The following CSDE1 variants were observed in gnomAD, a reference collection of about 807,000 sequenced individuals.
The protein encoded by CSDE1 is cold shock domain-containing protein E1.
Under a neutral mutation model 89.3 loss-of-function variants are expected in CSDE1, and 17 were observed. That is an observed-to-expected ratio of 0.19 (90% CI 0.13 to 0.29). The LOEUF (loss-of-function observed/expected upper bound fraction) is 0.29. CSDE1 is among the 10% of genes least tolerant of loss of function. CSDE1 has a pLI of 1.00. For synonymous variants in CSDE1, 322 were observed against 332.8 expected (o/e 0.97, Z 0.35); for missense variants, 672 against 984.2 (o/e 0.68, Z 4.24).
chr1:114,719,811 G>A, intron 17 of CSDE1, 69 bp from the exon 18 acceptor site: 1 of 1,424,070 alleles, frequency 7.0e-7, no homozygotes, highest in Non-Finnish European at 9.6e-7. Flanking sequence ...CACAATGCCT[G>A]CCCCTATCTA....
At chr1:114,755,897 G>C (rs551243683) in intron 1 of CSDE1, among the ~76,000 whole-genome samples, 2 of 152,300 alleles carry the variant, frequency 1.3e-5, no homozygotes, top group South Asian at 2.1e-4. Flanking sequence ...TCTCACAACA[G>C]TTTCAATAGA....
In CSDE1 at chr1:114,718,039, C is replaced by G; in HGVS notation, c.*130G>C. 1.2e-6 allele frequency: 1 copy of G among 841,856 alleles called. No homozygotes were observed. The highest frequency in any genetic ancestry group is 1.6e-5 in the South Asian group (1 of 64,192). 52.1% of individuals were successfully genotyped at this position (841,856 alleles called of 1,614,324 possible). A position where few individuals can be genotyped will look rare whatever the true frequency, so the allele number is the denominator to read the frequency against. Reference sequence around the variant, plus strand: ...ACATAACACGAGGAAGGTGTTAAAACTGGTGTAATAGCTCAATAGAATAAG... The same window carrying G: ...ACATAACACGAGGAAGGTGTTAAAAGTGGTGTAATAGCTCAATAGAATAAG... On this transcript the variant is annotated 3_prime_UTR_variant, in exon 20 of 20. Coordinates refer to ENST00000358528, the MANE Select transcript of CSDE1 (RefSeq NM_001007553.3).
intron 1 of CSDE1, among the ~76,000 whole-genome samples, chr1:114,754,554 G>C (rs1192535541): frequency 6.6e-6 from 1 of 152,124 alleles, no homozygotes; most frequent in Admixed American, 6.6e-5. Flanking sequence ...TCTTCTTTTA[G>C]GCAGGAAAAA....
In CSDE1 at chr1:114,726,199, G is replaced by A; in HGVS notation, c.1640+12C>T. 1 of 1,585,684 alleles carries A rather than the reference G, an allele frequency of 6.3e-7. No homozygotes were observed. The highest frequency in any genetic ancestry group is 1.2e-5 in the South Asian group (1 of 85,082). ...TAAGTTAGCTGTAAAGTTCCTGAAA[G>A]TCACGCCTTACCTGTAATGGAAAAA... On this transcript the variant is annotated intron_variant, in intron 14 of 19. Transcript: ENST00000358528.
At chr1:114,736,359 T>G (rs1660400934) in intron 6 of CSDE1, among the ~76,000 whole-genome samples, 1 of 152,192 alleles carries the variant, frequency 6.6e-6, no homozygotes, top group Non-Finnish European at 1.5e-5. Context: ...AGAAGAATGC[T>G]CAAACTTTAC....
intron 16 of CSDE1, among the ~76,000 whole-genome samples, chr1:114,721,075 G>A (rs867385527): frequency 2.6e-4 from 40 of 152,138 alleles, no homozygotes; most frequent in African/African-American, 9.4e-4. Flanking sequence ...TTCACAATAT[G>A]AGCCAACCAA....
intron 6 of CSDE1, 73 bp from the exon 7 acceptor site, chr1:114,734,596 G>T: frequency 8.5e-7 from 1 of 1,175,482 alleles, no homozygotes; most frequent in Non-Finnish European, 1.2e-6. Flanking sequence ...TTAGATATGA[G>T]TCTAAAGAAA....
chr1:114,718,266 A>G (rs749461339), intron 19 of CSDE1, 50 bp from the exon 20 acceptor site: 1 of 1,560,478 alleles, frequency 6.4e-7, no homozygotes, highest in South Asian at 1.1e-5. Context: ...TTGAGCGCAC[A>G]ACAATCATAG....
chr1:114,745,827 T>TTA (rs1660981505), intron 2 of CSDE1, among the ~76,000 whole-genome samples: 2 of 152,178 alleles, frequency 1.3e-5, no homozygotes, highest in South Asian at 4.1e-4. Flanking sequence ...CTCAAGAAAT[T>TTA]GATTAAAGTT....
intron 1 of CSDE1, among the ~76,000 whole-genome samples, chr1:114,751,852 T>C (rs894339115): frequency 2.1e-4 from 32 of 152,348 alleles, no homozygotes; most frequent in Middle Eastern, 3.4e-3. Flanking sequence ...GCTATATCTT[T>C]TGTATTCATC....
chr1:114,736,941 A>G (rs1017681410), intron 5 of CSDE1, 86 bp from the exon 6 acceptor site: 1 of 1,062,992 alleles, frequency 9.4e-7, no homozygotes, highest in East Asian at 2.5e-5. Context: ...AACCTCTTAT[A>G]CTGGCATTTT....
chr1:114,750,115 G>C lies in CSDE1; in HGVS notation c.-295C>G, dbSNP rs1661225922. The C allele has an allele frequency of 6.6e-6, 1 of 152,534 alleles. No individual in the cohort carries two copies. The highest frequency in any genetic ancestry group is 1.5e-5 in the Non-Finnish European group (1 of 68,030). The allele number at this position is 152,534 out of a possible 1,614,324, so 9.4% of individuals were successfully genotyped here. A position where few individuals can be genotyped will look rare whatever the true frequency, so the allele number is the denominator to read the frequency against. On this transcript the variant is annotated 5_prime_UTR_variant, in exon 2 of 20. Coordinates refer to ENST00000358528, the MANE Select transcript of CSDE1 (RefSeq NM_001007553.3). ...CTTCAACTTAAGTGTACTCTTCTTT[G>C]GTCTTGTTAGTTGTTACGAGGTTTG...
At chr1:114,752,892 A>C (rs1244009827) in intron 1 of CSDE1, among the ~76,000 whole-genome samples, 1 of 152,166 alleles carries the variant, frequency 6.6e-6, no homozygotes, top group Non-Finnish European at 1.5e-5. Flanking sequence ...CTGAGAGGTA[A>C]ACTCAAATTT....
intron 16 of CSDE1, among the ~76,000 whole-genome samples, chr1:114,721,368 G>A (rs6668128): frequency 0.2 from 30,852 of 152,112 alleles, 3,578 homozygotes; most frequent in Non-Finnish European, 0.25. Flanking sequence ...GTGATCACAA[G>A]AAAAGGCCAC....
intron 12 of CSDE1, among the ~76,000 whole-genome samples, chr1:114,728,959 C>T (rs1032697545): frequency 6.6e-6 from 1 of 152,162 alleles, no homozygotes; most frequent in Non-Finnish European, 1.5e-5. Context: ...CTTAACTATC[C>T]AAGTAATTTC....
In CSDE1 at chr1:114,726,241, T is replaced by C. The variant is rs768709264; in HGVS notation, c.1610A>G (p.Asn537Ser). ...KDNFGFIETA[N>S]HDKEIFFHYS... ...ATGGAAAAAGATTTCCTTATCATGA[T>C]TGGCTGTTTCAATAAATCCAAAATT... Residue 537 changes from asparagine (N) to serine (S), a missense_variant, in exon 14 of 20, where the codon AAT (asparagine) becomes AGT (serine). Around this residue, in one of 8 missense-constraint regions of CSDE1, gnomAD observed 206 missense variants for 332.4 expected, o/e 0.62. Coordinates refer to ENST00000358528, the MANE Select transcript of CSDE1 (RefSeq NM_001007553.3). 6.2e-6 allele frequency: 10 copies of C among 1,611,410 alleles called. No individual in the cohort carries two copies. Among genetic ancestry groups the C allele is most frequent in the South Asian group, 3.3e-5 (3 of 90,240 alleles).
chr1:114,725,264 T>C lies in CSDE1; in HGVS notation c.1710A>G (p.Lys570=). The part of the protein sequence containing the change: ...DMVEYSLSKG[K]GNKVSAEKVN... ...CTTTTTCTGCACTGACTTTGTTGCC[T>C]TTGCCTTTGGACAAGCTATACTCGA... Residue 570 remains lysine (K), a synonymous_variant, in exon 15 of 20, where the codon AAA becomes AAG. Coordinates refer to ENST00000358528, the MANE Select transcript of CSDE1 (RefSeq NM_001007553.3). 3 of 1,614,166 alleles carry C rather than the reference T, an allele frequency of 1.9e-6. No individual in the cohort carries two copies. Among genetic ancestry groups the C allele is most frequent in the Non-Finnish European group, 2.5e-6 (3 of 1,180,012 alleles).
chr1:114,746,517 T>C (rs1661019103), intron 2 of CSDE1: 1 of 152,184 alleles, frequency 6.6e-6, no homozygotes, highest in African/African-American at 2.4e-5. Flanking sequence ...CTTTGTAGTT[T>C]ATCTTTTAAT....
chr1:114,719,990 T>C (rs1055199164), intron 17 of CSDE1, among the ~76,000 whole-genome samples: 2 of 152,256 alleles, frequency 1.3e-5, no homozygotes, highest in Non-Finnish European at 1.5e-5. Context: ...ACTAAGCTTT[T>C]TGAATTAAGC....
Sources: allele counts gnomAD v4.1 joint callset (sites outside exome capture counted in the v4.1 genomes callset), GRCh38; gene constraint gnomAD v4.1.1; regional missense constraint gnomAD v4.1.1; transcripts MANE v1.5; gene names NCBI Gene and HGNC (gene_info 2026-07-23, HGNC 2026-07-21).